FAM13A: variants seen among roughly 807,000 people sequenced by gnomAD.
FAM13A encodes the protein protein FAM13A.
FAM13A carries 76 observed loss-of-function variants against 129.6 expected under a neutral mutation model. The ratio of observed to expected loss-of-function variants is 0.59; its 90% confidence interval spans 0.49 to 0.71. FAM13A has a LOEUF of 0.71. Among genes scored for constraint, FAM13A ranks in the 30% least tolerant of loss-of-function variants. The probability of loss-of-function intolerance (pLI) is 0.00; values close to 1 mark genes in which losing one functional copy is unlikely to be tolerated. For missense variants in FAM13A, 1,108 were observed against 1,249.3 expected (o/e 0.89, Z 1.70); for synonymous variants, 443 against 449.9 (o/e 0.98, Z 0.20).
At chr4:88,732,263 T>C (rs1737992953) in intron 21 of FAM13A, 65 bp from the exon 22 acceptor site, 1 of 1,137,838 alleles carries the variant, frequency 8.8e-7, no homozygotes, top group African/African-American at 1.6e-5. Context: ...TCATTACAAG[T>C]ATCATTTAAT....
chr4:89,010,513 C>G (rs1040421383), intron 3 of FAM13A, among the ~76,000 whole-genome samples: 2 of 152,136 alleles, frequency 1.3e-5, no homozygotes, highest in Admixed American at 1.3e-4. Context: ...GTCTGAGGAG[C>G]TGAAGCACTT....
Position 88,758,872 on chromosome 4 carries a change from G to A in FAM13A, c.1608C>T (p.Pro536=). ...ESPTMKIQEH[P]SLSDTKQQRN... is the part of the protein sequence containing the mutation. The stretch of plus-strand genomic sequence containing the variant: ...TCTGCTGTTTGGTGTCAGATAGGCT[G>A]GGATGCTCCTGGATCTTCATTGTGG... Residue 536 remains proline, a synonymous_variant, in exon 14 of 24, where the codon CCC becomes CCT. Transcript: ENST00000264344. The A allele has an allele frequency of 6.2e-7, 1 of 1,613,906 alleles. No individual in the cohort carries two copies.
chr4:89,034,370 T>C (rs1261879711), intron 1 of FAM13A, among the ~76,000 whole-genome samples: 1 of 152,058 alleles, frequency 6.6e-6, no homozygotes, highest in Non-Finnish European at 1.5e-5. Flanking sequence ...AAAACCACAA[T>C]GAGATCTCAC....
intron 5 of FAM13A, among the ~76,000 whole-genome samples, chr4:88,922,807 A>C (rs1751358243): frequency 6.6e-6 from 1 of 152,194 alleles, no homozygotes; most frequent in Non-Finnish European, 1.5e-5. Context: ...CCGCTAGCAG[A>C]CTAATAAAGA....
intron 1 of FAM13A, among the ~76,000 whole-genome samples, chr4:89,035,476 A>G (rs570815557): frequency 2.4e-4 from 37 of 151,388 alleles, no homozygotes; most frequent in Non-Finnish European, 4.3e-4. Flanking sequence ...AAAAGAAAAG[A>G]AAGGAAGGAA....
At chr4:88,973,030 G>A (rs1760347795) in intron 4 of FAM13A, among the ~76,000 whole-genome samples, 2 of 152,230 alleles carry the variant, frequency 1.3e-5, no homozygotes, top group South Asian at 4.1e-4. Context: ...GTCAGATGTA[G>A]AGCTTACCTC....
In FAM13A at chr4:88,792,740, TTA is replaced by T. The variant is rs146350202; in HGVS notation, c.1050-2115_1050-2114del. On this transcript the variant is annotated intron_variant, in intron 8 of 23. Coordinates refer to ENST00000264344, the MANE Select transcript of FAM13A (RefSeq NM_014883.4). ...TAAAAAACATTCCAAAGACATGTCA[TTA>T]GCCTGTTAGTCCTCTATGCCATCTC... Among the ~76,000 whole-genome samples the T allele has an allele frequency of 8.6e-3, 1,307 of 152,182 alleles. 24 individuals carry two copies. The highest frequency in any genetic ancestry group is 0.03 in the African/African-American group (1,257 of 41,546).
In FAM13A at chr4:88,856,202, G is replaced by A. The variant is rs542046884; in HGVS notation, c.844-5019C>T. On this transcript the variant is annotated intron_variant, in intron 6 of 23. Coordinates refer to ENST00000264344, the MANE Select transcript of FAM13A (RefSeq NM_014883.4). Reference sequence around the variant, plus strand: ...AGTACAAAAACTCTAAGTGTGGACCGGGCATGGTGGCTCACACCTGTAATC... The same window carrying A: ...AGTACAAAAACTCTAAGTGTGGACCAGGCATGGTGGCTCACACCTGTAATC... 7.0e-4 allele frequency among the ~76,000 whole-genome samples: 107 copies of A among 152,170 alleles called. 3 individuals carry two copies. The South Asian group carries it at 0.021, about 30-fold the overall frequency.
chr4:88,814,197 TAGAGGCAGTCAA>T (rs1730216402), intron 7 of FAM13A, among the ~76,000 whole-genome samples: 1 of 152,146 alleles, frequency 6.6e-6, no homozygotes, highest in Non-Finnish European at 1.5e-5. Context: ...CTGAAGGCCA[TAGAGGCAGTCAA>T]CGGCTGAGGT....
In FAM13A at chr4:88,985,234, T is replaced by G. The variant is rs147842382; in HGVS notation, c.605+5739A>C. ...TTACATTTATATGAAATGTCCAGAATAGGCAACTCTCTAGACACAGAAAGT... is the reference window on the plus strand; with the variant it reads ...TTACATTTATATGAAATGTCCAGAAGAGGCAACTCTCTAGACACAGAAAGT... On this transcript the variant is annotated intron_variant, in intron 4 of 23. Coordinates refer to ENST00000264344, the MANE Select transcript of FAM13A (RefSeq NM_014883.4). Among the ~76,000 whole-genome samples, 391 of 152,296 alleles carry G rather than the reference T, an allele frequency of 2.6e-3. 3 individuals are homozygous for G. Among genetic ancestry groups the G allele is most frequent in the African/African-American group, 9.2e-3 (382 of 41,562 alleles).
intron 6 of FAM13A, among the ~76,000 whole-genome samples, chr4:88,853,974 G>A (rs966137888): frequency 6.6e-6 from 1 of 152,166 alleles, no homozygotes; most frequent in Admixed American, 6.5e-5. Flanking sequence ...GGGCTCTTGG[G>A]CCTTTGGCCA....
At chr4:88,809,708 G>A (rs1729266270) in intron 7 of FAM13A, among the ~76,000 whole-genome samples, 1 of 151,984 alleles carries the variant, frequency 6.6e-6, no homozygotes, top group Admixed American at 6.6e-5. Context: ...AAAACATAAA[G>A]TGCAACACAT....
intron 1 of FAM13A, among the ~76,000 whole-genome samples, chr4:89,044,716 C>T (rs1473124358): frequency 6.6e-6 from 1 of 152,030 alleles, no homozygotes; most frequent in Non-Finnish European, 1.5e-5. Context: ...GTAGAATATA[C>T]ATAAAATGGA....
rs201253340 is a variant in FAM13A, at chr4:88,855,142, A to G, written c.844-3959T>C. On this transcript the variant is annotated intron_variant, in intron 6 of 23. Transcript: ENST00000264344. ...ACCACTAGTCTATATACTTGGTTACATGTTAAATGTTGGAATTGCAAGAAT... is the reference window on the plus strand; with the variant it reads ...ACCACTAGTCTATATACTTGGTTACGTGTTAAATGTTGGAATTGCAAGAAT... 6.6e-5 allele frequency among the ~76,000 whole-genome samples: 10 copies of G among 152,338 alleles called. No individual in the cohort carries two copies. In the East Asian group the frequency reaches 1.9e-3, roughly 29 times the overall value.
chr4:88,790,969 G>A (rs1225711581), intron 8 of FAM13A, among the ~76,000 whole-genome samples: 1 of 152,038 alleles, frequency 6.6e-6, no homozygotes, highest in Non-Finnish European at 1.5e-5. Context: ...TTGTGGCCAT[G>A]TGCCTTCCTG....
intron 3 of FAM13A, among the ~76,000 whole-genome samples, chr4:89,001,588 A>T (rs1340161102): frequency 6.6e-6 from 1 of 152,216 alleles, no homozygotes. Context: ...TAGGGAAGGA[A>T]ATATATCATA....
At chr4:89,000,032 C>T (rs1045855793) in intron 3 of FAM13A, among the ~76,000 whole-genome samples, 2 of 152,042 alleles carry the variant, frequency 1.3e-5, no homozygotes, top group African/African-American at 4.8e-5. Context: ...AGGATTTCAC[C>T]CAGCTCACAA....
intron 7 of FAM13A, among the ~76,000 whole-genome samples, chr4:88,844,147 C>A (rs988546568): frequency 6.6e-6 from 1 of 152,082 alleles, no homozygotes; most frequent in Non-Finnish European, 1.5e-5. Context: ...GAGTACATGC[C>A]CCCTCAGTAC....
chr4:88,752,680 A>G (rs1742868797), intron 14 of FAM13A, among the ~76,000 whole-genome samples: 1 of 152,192 alleles, frequency 6.6e-6, no homozygotes, highest in African/African-American at 2.4e-5. Context: ...GGACTTGGGC[A>G]CAAGCAGCTC....
Sources: allele counts gnomAD v4.1 joint callset (sites outside exome capture counted in the v4.1 genomes callset), GRCh38; gene constraint gnomAD v4.1.1; transcripts MANE v1.5; gene names NCBI Gene and HGNC (gene_info 2026-07-23, HGNC 2026-07-21).